Variants in ZNF521 observed in about 807,000 individuals in gnomAD.
The protein encoded by ZNF521 is zinc finger protein 521.
ZNF521 carries 14 observed loss-of-function variants against 105.5 expected under a neutral mutation model. The ratio of observed to expected loss-of-function variants is 0.13; its 90% CI spans 0.09 to 0.21. The LOEUF is 0.21. Among genes scored for constraint, ZNF521 ranks in the 10% least tolerant of loss-of-function variants. The pLI is 1.00. For missense variants in ZNF521, 1,233 were observed against 1,629.7 expected (o/e 0.76, Z 4.19); for synonymous variants, 635 against 606.0 (o/e 1.05, Z -0.70).
At chr18:25,124,024 T>G (rs1173242606) in intron 5 of ZNF521, among the ~76,000 whole-genome samples, 1 of 152,166 alleles carries the variant, frequency 6.6e-6, no homozygotes, top group African/African-American at 2.4e-5. Flanking sequence ...GAAATCTGTG[T>G]CCTGGCCCCA....
rs9958882 is a variant in ZNF521 at position 25,268,229 on chromosome 18, A to G, written c.221-40532T>C. Among the ~76,000 whole-genome samples the G allele has an allele frequency of 4.5e-3, 678 of 152,288 alleles. 8 individuals are homozygous for G. Among genetic ancestry groups the G allele is most frequent in the African/African-American group, 0.016 (653 of 41,558 alleles). ...GAAATACAGCAAGAAGACAAGACTG[A>G]AGTAAGAAAGAATGAAAAGAAACAA... On this transcript the variant is annotated intron_variant, in intron 3 of 7. Coordinates refer to ENST00000361524, the MANE Select transcript of ZNF521 (RefSeq NM_015461.3).
intron 3 of ZNF521, among the ~76,000 whole-genome samples, chr18:25,255,103 G>A (rs972417712): frequency 3.3e-5 from 5 of 152,130 alleles, no homozygotes; most frequent in South Asian, 4.1e-4. Flanking sequence ...AATATAAAGC[G>A]TTGCCTTTTT....
chr18:25,114,587 T>G (rs2034266601), intron 5 of ZNF521, among the ~76,000 whole-genome samples: 1 of 152,212 alleles, frequency 6.6e-6, no homozygotes, highest in Non-Finnish European at 1.5e-5. Flanking sequence ...CATAGTCCTT[T>G]TCTTTTCCTC....
chr18:25,230,311 A>C (rs1906452006), intron 3 of ZNF521, among the ~76,000 whole-genome samples: 2 of 152,214 alleles, frequency 1.3e-5, no homozygotes, highest in Admixed American at 6.5e-5. Flanking sequence ...TTTAAAATAT[A>C]AAATGTAAAA....
chr18:25,338,259 T>TTGTGTGTGTG (rs34813730), intron 2 of ZNF521, among the ~76,000 whole-genome samples: 22,518 of 136,364 alleles, frequency 0.17, 2,051 homozygotes, highest in Admixed American at 0.19. Context: ...TCATAGACTT[T>TTGTGTGTGTG]TGTGTGTGTG....
intron 5 of ZNF521, among the ~76,000 whole-genome samples, chr18:25,122,885 G>A (rs377022849): frequency 6.6e-6 from 1 of 152,030 alleles, no homozygotes; most frequent in African/African-American, 2.4e-5. Flanking sequence ...TTACAGAATG[G>A]GACATGAAAC....
Position 25,111,384 on chromosome 18 carries a change from A to G in ZNF521, c.3659-19303T>C, listed in dbSNP as rs372474396. Among the ~76,000 whole-genome samples the G allele has an allele frequency of 4.6e-5, 7 of 152,204 alleles. No individual in the cohort carries two copies. The East Asian group carries it at 1.2e-3, about 25-fold the overall frequency. ...TAACCTCTAGAAACCAGACGATATT[A>G]GAAGTCATTGTGTTTAACGAAAATT... On this transcript the variant is annotated intron_variant, in intron 5 of 7. Transcript: ENST00000361524.
chr18:25,227,513 G>A lies in ZNF521; in HGVS notation c.405C>T (p.His135=), dbSNP rs763834746. 6 of 1,614,102 alleles carry A rather than the reference G, an allele frequency of 3.7e-6. No homozygotes were observed. The East Asian group carries it at 1.3e-4, about 36-fold the overall frequency. ...GTTTGTCACTGTGACTCTGCTCATGGTGCTTTAGGTAGCTGAGGCGGCTAA... is the reference window on the plus strand; with the variant it reads ...GTTTGTCACTGTGACTCTGCTCATGATGCTTTAGGTAGCTGAGGCGGCTAA... ...KSFSRLSYLK[H]HEQSHSDKLP... The change falls in exon 4 of 8, where the codon CAC becomes CAT. Residue 135 remains histidine, a synonymous_variant. Transcript: ENST00000361524. The surrounding 1 kb of genome is among the most constrained non-coding windows in gnomAD (Gnocchi z 5.7).
chr18:25,182,407 T>C (rs973453536), intron 5 of ZNF521, among the ~76,000 whole-genome samples: 2 of 152,192 alleles, frequency 1.3e-5, no homozygotes, highest in African/African-American at 4.8e-5. Context: ...ATTTTTACTA[T>C]ATTTGAAACA....
intron 3 of ZNF521, among the ~76,000 whole-genome samples, chr18:25,317,959 GC>G (rs1450827265): frequency 3.9e-5 from 6 of 152,022 alleles, no homozygotes; most frequent in Non-Finnish European, 5.9e-5. Context: ...CAATGACCCA[GC>G]AATTCTATTC....
At chr18:25,195,829 T>C (rs2035893806) in intron 4 of ZNF521, among the ~76,000 whole-genome samples, 1 of 151,874 alleles carries the variant, frequency 6.6e-6, no homozygotes, top group South Asian at 2.1e-4. Context: ...AATATCATAA[T>C]GAACATTCTA....
In ZNF521 at chr18:25,080,824, G is replaced by A. The variant is rs182419992; in HGVS notation, c.3906+8641C>T. ...TTCTTGCCACTTTGTCTCTGCTAAT[G>A]TGAGGAAACTGATCCATGTGTGGTG... is the stretch of plus-strand genomic sequence containing the variant. On this transcript the variant is annotated intron_variant, in intron 7 of 7. Coordinates refer to ENST00000361524, the MANE Select transcript of ZNF521 (RefSeq NM_015461.3). Among the ~76,000 whole-genome samples the A allele has an allele frequency of 1.2e-3, 183 of 152,334 alleles. 1 individual carries two copies. The highest frequency in any genetic ancestry group is 4.2e-3 in the African/African-American group (173 of 41,588).
At chr18:25,084,595 G>A (rs1396305967) in intron 7 of ZNF521, among the ~76,000 whole-genome samples, 1 of 152,168 alleles carries the variant, frequency 6.6e-6, no homozygotes, top group East Asian at 1.9e-4. Context: ...TTAATGAAGG[G>A]AAGGGCTGGG....
At position 25,352,085 on chromosome 18, in the gene ZNF521, G is replaced by T; in HGVS notation, c.-82C>A. Reference sequence around the variant, plus strand: ...GGAAGCAAGGCCCCCAAAGCCATCAGGATGGCTCCAGAGGGGGCCCCTAAC... The same window carrying T: ...GGAAGCAAGGCCCCCAAAGCCATCATGATGGCTCCAGAGGGGGCCCCTAAC... On this transcript the variant is annotated 5_prime_UTR_variant, in exon 1 of 8. It adds an upstream start codon to the 5' untranslated region. Coordinates refer to ENST00000361524, the MANE Select transcript of ZNF521 (RefSeq NM_015461.3). 2.0e-6 allele frequency: 1 copy of T among 493,414 alleles called. No individual in the cohort carries two copies. The highest frequency in any genetic ancestry group is 2.0e-5 in the Admixed American group (1 of 49,408). The allele number at this position is 493,414 out of a possible 1,614,324, so 30.6% of individuals were successfully genotyped here.
chr18:25,105,339 T>G (rs1377834345), intron 5 of ZNF521, among the ~76,000 whole-genome samples: 1 of 152,194 alleles, frequency 6.6e-6, no homozygotes, highest in African/African-American at 2.4e-5. Flanking sequence ...CGAGTAGGTC[T>G]AAATATGATC....
chr18:25,225,058 C>T lies in ZNF521; in HGVS notation c.2860G>A (p.Gly954Ser), dbSNP rs767481925. ...GGGCACATGTAGTGTTTGACAGGGCCTAGGTGGGTCTGCATATGTTCCCGG... is the reference window on the plus strand; with the variant it reads ...GGGCACATGTAGTGTTTGACAGGGCTTAGGTGGGTCTGCATATGTTCCCGG... ...GLREHMQTHL[G>S]PVKHYMCPIC... Residue 954 changes from glycine to serine, a missense_variant, in exon 4 of 8, where the codon GGC (glycine) becomes AGC (serine). Gly to Ser is a moderately conservative substitution (Grantham distance 56). Around this residue, in one of 6 missense-constraint regions of ZNF521, gnomAD observed 614 missense variants for 751.5 expected, o/e 0.82. Coordinates refer to ENST00000361524, the MANE Select transcript of ZNF521 (RefSeq NM_015461.3). This position sits in a 1 kb window ranked among gnomAD's most constrained non-coding sequence, Gnocchi z 5.6. 4 of 1,614,138 alleles carry T rather than the reference C, an allele frequency of 2.5e-6. No homozygotes were observed. In the Admixed American group the frequency reaches 6.7e-5, roughly 27 times the overall value.
At chr18:25,240,339 A>G (rs1349770207) in intron 3 of ZNF521, among the ~76,000 whole-genome samples, 2 of 152,114 alleles carry the variant, frequency 1.3e-5, no homozygotes, top group Non-Finnish European at 2.9e-5. Context: ...ATGATCTCAC[A>G]GGAAGTGGTA....
In ZNF521 at chr18:25,278,989, G is replaced by C. The variant is rs538646704; in HGVS notation, c.220+43019C>G. On this transcript the variant is annotated intron_variant, in intron 3 of 7. Coordinates refer to ENST00000361524, the MANE Select transcript of ZNF521 (RefSeq NM_015461.3). The stretch of plus-strand genomic sequence containing the variant: ...TCAAGGAAAAACTGCCCAAATTGTG[G>C]AGAAACTGGTGGGGGAAGACAGAGT... Among the ~76,000 whole-genome samples, 3 of 152,238 alleles carry C rather than the reference G, an allele frequency of 2.0e-5. No individual in the cohort carries two copies. In the East Asian group the frequency reaches 5.8e-4, roughly 29 times the overall value.
chr18:25,100,681 T>TAA (rs796410464), intron 5 of ZNF521, among the ~76,000 whole-genome samples: 4 of 143,144 alleles, frequency 2.8e-5, no homozygotes, highest in African/African-American at 7.6e-5. Flanking sequence ...CTTGAAGAAT[T>TAA]AAAAAAAAAA....
Sources: gnomAD v4.1 joint callset for allele counts (sites outside exome capture counted in the v4.1 genomes callset) on GRCh38, gnomAD v4.1.1 for gene constraint, gnomAD v4.1.1 regional missense constraint, Gnocchi (gnomAD v3.1) non-coding constraint, MANE v1.5 for transcripts, NCBI Gene and HGNC (gene_info 2026-07-23, HGNC 2026-07-21) for gene names.